KIF27: variants seen among roughly 807,000 people sequenced by gnomAD.
KIF27 encodes the protein kinesin-like protein KIF27.
A neutral mutation model predicts 141.8 loss-of-function variants in KIF27; 84 were observed. The observed-to-expected ratio is 0.59, with a 90% CI of 0.50 to 0.71. KIF27 has a LOEUF of 0.71. Ranked by LOEUF, KIF27 falls within the 30% of genes least tolerant of loss-of-function variation. KIF27 has a pLI of 0.00. For missense variants in KIF27, 1,306 were observed against 1,628.4 expected (o/e 0.80, Z 3.41); for synonymous variants, 471 against 569.5 (o/e 0.83, Z 2.46).
In KIF27 at chr9:83,848,075, A is replaced by ATC. The variant is rs373093955; in HGVS notation, c.3556+2023_3556+2024insGA. Among the ~76,000 whole-genome samples the ATC allele has an allele frequency of 3.5e-4, 23 of 66,504 alleles. 6 individuals are homozygous for ATC. Among genetic ancestry groups the ATC allele is most frequent in the East Asian group, 5.7e-4 (2 of 3,500 alleles). 43.6% of individuals were successfully genotyped at this position (66,504 alleles called of 152,430 possible). A position where few individuals can be genotyped will look rare whatever the true frequency, so the allele number is the denominator to read the frequency against. On this transcript the variant is annotated intron_variant, in intron 16 of 17. Transcript: ENST00000297814. ...TATCTATATATCATATATATGATATATGATATATCATATATATGATATATA... is the reference window on the plus strand; with the variant it reads ...TATCTATATATCATATATATGATATATCTGATATATCATATATATGATATATA...
In KIF27 at chr9:83,848,320, T is replaced by TATGATATATATGATATATCATAG. The variant is rs1333851030; in HGVS notation, c.3556+1778_3556+1779insCTATGATATATCATATATATCAT. Reference sequence around the variant, plus strand: ...GATATGATATATATGATATATCATATATCTATATATCTATATATATCTATG... The same window carrying TATGATATATATGATATATCATAG: ...GATATGATATATATGATATATCATATATGATATATATGATATATCATAGATCTATATATCTATATATATCTATG... On this transcript the variant is annotated intron_variant, in intron 16 of 17. Coordinates refer to ENST00000297814, the MANE Select transcript of KIF27 (RefSeq NM_017576.4). 1.7e-5 allele frequency among the ~76,000 whole-genome samples: 2 copies of TATGATATATATGATATATCATAG among 116,084 alleles called. 1 individual carries two copies. The highest frequency in any genetic ancestry group is 5.2e-4 in the South Asian group (2 of 3,874). 76.2% of individuals were successfully genotyped at this position (116,084 alleles called of 152,430 possible).
chr9:83,870,261 G>T lies in KIF27; in HGVS notation c.2757+258C>A, dbSNP rs1157414970. 2.0e-5 allele frequency among the ~76,000 whole-genome samples: 3 copies of T among 151,910 alleles called. 1 individual carries two copies. The highest frequency in any genetic ancestry group is 6.6e-5 in the Admixed American group (1 of 15,250). ...GGCTCACTGCAGCCTCCACCTCCAG[G>T]GTTCAAGCGATTCTCCTGCCTCAGC... is the stretch of plus-strand genomic sequence containing the variant. On this transcript the variant is annotated intron_variant, in intron 12 of 17. Coordinates refer to ENST00000297814, the MANE Select transcript of KIF27 (RefSeq NM_017576.4).
At chr9:83,855,482 C>T (rs534611794) in intron 14 of KIF27, among the ~76,000 whole-genome samples, 2 of 152,090 alleles carry the variant, frequency 1.3e-5, no homozygotes, top group Admixed American at 6.5e-5. Context: ...AAGAAAAAAA[C>T]CCCTTAAATA....
chr9:83,850,704 A>C (rs1948459548), intron 15 of KIF27, among the ~76,000 whole-genome samples: 1 of 150,636 alleles, frequency 6.6e-6, no homozygotes, highest in African/African-American at 2.4e-5. Context: ...AATGGCTTGA[A>C]CCTGGGAGGC....
intron 2 of KIF27, among the ~76,000 whole-genome samples, chr9:83,910,274 G>A (rs1189341732): frequency 6.6e-6 from 1 of 152,110 alleles, no homozygotes; most frequent in South Asian, 2.1e-4. Context: ...GCTTTTAGAT[G>A]ATATATAATT....
chr9:83,920,867 AAATGCGCCCAAGTTTCAACCTCTAC>A (rs1350326312), intron 1 of KIF27, among the ~76,000 whole-genome samples: 1 of 151,492 alleles, frequency 6.6e-6, no homozygotes. Context: ...CTACGGTGGG[AAATGCGCCCAAGTTTCAACCTCTAC>A]GGTGGGAAAT....
At chr9:83,896,191 G>A (rs1183098921) in intron 5 of KIF27, among the ~76,000 whole-genome samples, 1 of 152,066 alleles carries the variant, frequency 6.6e-6, no homozygotes, top group Non-Finnish European at 1.5e-5. Context: ...TGCAGTGAGC[G>A]GAGATTGTGC....
At chr9:83,909,683 T>C (rs1177522843) in intron 2 of KIF27, among the ~76,000 whole-genome samples, 1 of 151,190 alleles carries the variant, frequency 6.6e-6, no homozygotes, top group Admixed American at 6.6e-5. Flanking sequence ...AGACATTAAG[T>C]GGCACAGGTG....
At chr9:83,838,390 C>G (rs1201045282) in intron 17 of KIF27, among the ~76,000 whole-genome samples, 11 of 152,156 alleles carry the variant, frequency 7.2e-5, no homozygotes, top group Non-Finnish European at 1.3e-4. Context: ...CCCGCCACCA[C>G]GCCCGGCGAA....
intron 11 of KIF27, among the ~76,000 whole-genome samples, chr9:83,871,760 C>A (rs1158256073): frequency 5.3e-5 from 8 of 151,602 alleles, no homozygotes; most frequent in Non-Finnish European, 1.2e-4. Context: ...TAATCTTGGC[C>A]CACTGCAACC....
At position 83,867,752 on chromosome 9, in the gene KIF27, C is replaced by T; in HGVS notation, c.2866G>A (p.Val956Ile). 1 of 1,613,426 alleles carries T rather than the reference C, an allele frequency of 6.2e-7. No individual in the cohort carries two copies. The highest frequency in any genetic ancestry group is 1.1e-5 in the South Asian group (1 of 90,952). ...EADLKKREAI[V>I]SKKEALLQEK... ...TGTAACAGAGCCTCCTTCTTAGAAACTATGGCCTCCCGTTTCTTTAAGTCT... is the reference window on the plus strand; with the variant it reads ...TGTAACAGAGCCTCCTTCTTAGAAATTATGGCCTCCCGTTTCTTTAAGTCT... Residue 956 changes from valine (V) to isoleucine (I), a missense_variant, in exon 13 of 18, where the codon GTT (valine) becomes ATT (isoleucine). By Grantham distance (29) the Val-to-Ile change is conservative. Coordinates refer to ENST00000297814, the MANE Select transcript of KIF27 (RefSeq NM_017576.4).
At chr9:83,873,984 G>A (rs531567003) in intron 11 of KIF27, among the ~76,000 whole-genome samples, 110 of 151,646 alleles carry the variant, frequency 7.3e-4, no homozygotes, top group African/African-American at 2.5e-3. Flanking sequence ...CCCGGGAGGC[G>A]GAGCTTGCAG....
intron 13 of KIF27, among the ~76,000 whole-genome samples, chr9:83,860,882 GA>G (rs1257905811): frequency 1.4e-5 from 2 of 140,330 alleles, no homozygotes; most frequent in Non-Finnish European, 3.1e-5. Flanking sequence ...CTTGATGGGA[GA>G]TTTTTTTTTT....
At chr9:83,910,072 T>A (rs1954987482) in intron 2 of KIF27, among the ~76,000 whole-genome samples, 2 of 151,862 alleles carry the variant, frequency 1.3e-5, no homozygotes, top group Admixed American at 1.3e-4. Flanking sequence ...CATACATACA[T>A]ACATACATAC....
At chr9:83,908,758 C>CTT (rs11364843) in intron 2 of KIF27, 106 bp from the exon 3 acceptor site, 351 of 460,626 alleles carry the variant, frequency 7.6e-4, no homozygotes, top group South Asian at 8.9e-4. Flanking sequence ...TATATTATAA[C>CTT]TTTTTTTTTT....
intron 1 of KIF27, among the ~76,000 whole-genome samples, chr9:83,918,355 G>A (rs560186012): frequency 4.0e-5 from 6 of 150,168 alleles, no homozygotes; most frequent in African/African-American, 1.2e-4. Context: ...GGGAGAGGAG[G>A]GAGGGAGGGA....
At chr9:83,848,403 GC>G (rs200952906) in intron 16 of KIF27, among the ~76,000 whole-genome samples, 1,526 of 130,088 alleles carry the variant, frequency 0.012, 54 homozygotes, top group African/African-American at 0.041. Context: ...TGCTATATAT[GC>G]ATATATGATA....
chr9:83,860,532 G>A (rs1433790096), intron 13 of KIF27, among the ~76,000 whole-genome samples: 4 of 151,964 alleles, frequency 2.6e-5, no homozygotes, highest in Non-Finnish European at 4.4e-5. Flanking sequence ...TTATTCATAG[G>A]TGAACTATCT....
chr9:83,876,724 T>C (rs1351754470), intron 11 of KIF27, among the ~76,000 whole-genome samples: 5 of 152,246 alleles, frequency 3.3e-5, no homozygotes, highest in Admixed American at 1.3e-4. Context: ...CATATAGACC[T>C]ATGGAATAGA....
Sources: gnomAD v4.1 joint callset for allele counts (sites outside exome capture counted in the v4.1 genomes callset) on GRCh38, gnomAD v4.1.1 for gene constraint, MANE v1.5 for transcripts, NCBI Gene and HGNC (gene_info 2026-07-23, HGNC 2026-07-21) for gene names.